TMCO5A: variants seen among roughly 807,000 people sequenced by gnomAD.
The protein encoded by TMCO5A is transmembrane and coiled-coil domain-containing protein 5A.
TMCO5A carries 34 observed loss-of-function variants against 42.3 expected under a neutral mutation model. The ratio of observed to expected loss-of-function variants is 0.80; its 90% CI spans 0.61 to 1.07. The LOEUF is 1.07. TMCO5A is among the 50% of genes least tolerant of loss of function. The pLI, the probability that TMCO5A is intolerant of heterozygous loss-of-function variation, is 0.00. For missense variants in TMCO5A, 357 were observed against 327.9 expected (o/e 1.09, Z -0.69); for synonymous variants, 131 against 115.6 (o/e 1.13, Z -0.86).
At chr15:37,998,329 T>C in the TMCO5A span, among the ~76,000 whole-genome samples, 1 of 152,206 alleles carries the variant, frequency 6.6e-6, no homozygotes, top group Non-Finnish European at 1.5e-5. Flanking sequence ...TTTCATAGTT[T>C]GAGGTTTTAG....
At chr15:37,966,507 C>A in intron 11 of TMCO5A, 1 of 695,848 alleles carries the variant, frequency 1.4e-6, no homozygotes, top group Non-Finnish European at 2.6e-6. Context: ...TACACACCTA[C>A]TATGTACCCA....
downstream of TMCO5A, among the ~76,000 whole-genome samples, chr15:37,969,169 G>C (rs1890627724): frequency 6.6e-6 from 1 of 152,158 alleles, no homozygotes; most frequent in African/African-American, 2.4e-5. Flanking sequence ...AATTATGCTA[G>C]ACTTGGAAGA....
At chr15:38,035,086 A>T in the TMCO5A span, among the ~76,000 whole-genome samples, 1 of 152,180 alleles carries the variant, frequency 6.6e-6, no homozygotes, top group Non-Finnish European at 1.5e-5. Flanking sequence ...TGGAGTATGG[A>T]TACATAGTGC....
the TMCO5A span, among the ~76,000 whole-genome samples, chr15:38,013,723 C>T: frequency 6.6e-6 from 1 of 152,252 alleles, no homozygotes; most frequent in East Asian, 1.9e-4. Flanking sequence ...ATAATTTTTT[C>T]TATTTTATTT....
the TMCO5A span, among the ~76,000 whole-genome samples, chr15:37,993,233 T>G: frequency 6.6e-6 from 1 of 151,274 alleles, no homozygotes; most frequent in African/African-American, 2.4e-5. Flanking sequence ...GGGGTTTCTG[T>G]TTTTTTTTAA....
At chr15:37,987,218 G>A in the TMCO5A span, among the ~76,000 whole-genome samples, 1 of 151,928 alleles carries the variant, frequency 6.6e-6, no homozygotes, top group Non-Finnish European at 1.5e-5. Flanking sequence ...TTGAAGCAAT[G>A]TCTATTCAAG....
the TMCO5A span, among the ~76,000 whole-genome samples, chr15:38,031,709 G>A: frequency 6.6e-6 from 1 of 152,058 alleles, no homozygotes; most frequent in Non-Finnish European, 1.5e-5. Flanking sequence ...GAGAGACCTT[G>A]AGCCAAAAAT....
the TMCO5A span, among the ~76,000 whole-genome samples, chr15:38,024,432 T>C: frequency 3.3e-5 from 5 of 152,246 alleles, no homozygotes; most frequent in Admixed American, 2.6e-4. Flanking sequence ...AAGCAAGAGA[T>C]GAAAAGCAGA....
the TMCO5A span, among the ~76,000 whole-genome samples, chr15:38,033,322 C>G: frequency 6.6e-6 from 1 of 152,158 alleles, no homozygotes; most frequent in African/African-American, 2.4e-5. Context: ...TTAGAACCAG[C>G]CTTTCTCATT....
chr15:38,006,430 C>T, the TMCO5A span, among the ~76,000 whole-genome samples: 9 of 152,174 alleles, frequency 5.9e-5, no homozygotes, highest in East Asian at 1.9e-4. Context: ...ATTTGTAATA[C>T]GATTTTGAGC....
chr15:37,958,298 C>T (rs1890341455), intron 11 of TMCO5A, among the ~76,000 whole-genome samples: 1 of 152,134 alleles, frequency 6.6e-6, no homozygotes, highest in South Asian at 2.1e-4. Context: ...TCAGAGTGAA[C>T]AGGCAACCTA....
the TMCO5A span, among the ~76,000 whole-genome samples, chr15:37,974,871 G>T: frequency 1.3e-5 from 2 of 152,066 alleles, no homozygotes; most frequent in African/African-American, 4.8e-5. Flanking sequence ...TTTGATGTGG[G>T]CATTTAATGC....
At chr15:38,016,705 T>A in the TMCO5A span, among the ~76,000 whole-genome samples, 1 of 152,146 alleles carries the variant, frequency 6.6e-6, no homozygotes, top group African/African-American at 2.4e-5. Context: ...TAATGGAAAT[T>A]ATGGAATGCT....
chr15:37,966,514 C>A, intron 11 of TMCO5A: 4 of 697,560 alleles, frequency 5.7e-6, no homozygotes, highest in Non-Finnish European at 1.0e-5. Flanking sequence ...CTACTATGTA[C>A]CCACAAAATT....
chr15:37,993,246 G>T, the TMCO5A span, among the ~76,000 whole-genome samples: 6 of 151,610 alleles, frequency 4.0e-5, no homozygotes, highest in Non-Finnish European at 7.4e-5. Flanking sequence ...TTTTTTAAAT[G>T]GGGGCCACAT....
intron 6 of TMCO5A, among the ~76,000 whole-genome samples, chr15:37,940,146 A>C (rs767539538): frequency 2.6e-5 from 4 of 152,086 alleles, no homozygotes; most frequent in Non-Finnish European, 5.9e-5. Flanking sequence ...TTTTCCAGAC[A>C]CAGAAAAGGC....
At chr15:37,937,259 A>G (rs1296880652) in intron 4 of TMCO5A, 87 bp from the exon 5 acceptor site, 5 of 1,480,568 alleles carry the variant, frequency 3.4e-6, no homozygotes, top group African/African-American at 1.4e-5. Flanking sequence ...GCAGGAAAAT[A>G]TAGCTGGGGT....
the TMCO5A span, among the ~76,000 whole-genome samples, chr15:38,035,865 G>C: frequency 1.3e-5 from 2 of 152,198 alleles, no homozygotes; most frequent in Non-Finnish European, 2.9e-5. Context: ...GTTTGCCCTA[G>C]AATGGTTTGC....
At position 37,961,084 on chromosome 15, in the gene TMCO5A, C is replaced by CT. The variant is rs370203464; in HGVS notation, c.669-5537dup. On this transcript the variant is annotated intron_variant, in intron 11 of 11. Transcript: ENST00000559502. ...TTTATCTTTGTTTTTATTGCATTTG[C>CT]TTTTGGGTTCTTGGTCAGGAAATCC... Among the ~76,000 whole-genome samples, 755 of 152,132 alleles carry CT rather than the reference C, an allele frequency of 5.0e-3. 11 individuals are homozygous for CT. Among genetic ancestry groups the CT allele is most frequent in the African/African-American group, 0.018 (727 of 41,516 alleles).
Sources: allele counts gnomAD v4.1 joint callset (sites outside exome capture counted in the v4.1 genomes callset), GRCh38; gene constraint gnomAD v4.1.1; transcripts MANE v1.5; gene names NCBI Gene and HGNC (gene_info 2026-07-23, HGNC 2026-07-21).